STARD3NL: variants seen among roughly 807,000 people sequenced by gnomAD.
STARD3NL encodes STARD3 N-terminal like, also known as STARD3 N-terminal-like protein.
Under a neutral mutation model 30.9 loss-of-function variants are expected in STARD3NL, and 17 were observed. The ratio of observed to expected loss-of-function variants is 0.55; its 90% CI spans 0.38 to 0.82. The LOEUF is 0.82. STARD3NL is among the 40% of genes least tolerant of loss of function. The pLI is 0.00. For missense variants in STARD3NL, 234 were observed against 277.6 expected, an observed-to-expected ratio of 0.84 and a Z score of 1.12; for synonymous variants, 112 against 100.5, an observed-to-expected ratio of 1.11 and a Z score of -0.69.
chr7:38,219,558 C>T lies in STARD3NL; in HGVS notation c.554-7C>T. On this transcript the variant is annotated splice_region_variant and splice_polypyrimidine_tract_variant and intron_variant, in intron 6 of 8. Coordinates refer to ENST00000009041, the MANE Select transcript of STARD3NL (RefSeq NM_032016.4). Reference sequence around the variant, plus strand: ...CATTCCCAACATCTGAATTTCTTCTCTTCCAGGACTCCTGATAGTTCAGGA... The same window carrying T: ...CATTCCCAACATCTGAATTTCTTCTTTTCCAGGACTCCTGATAGTTCAGGA... 6.3e-7 allele frequency: 1 copy of T among 1,589,940 alleles called. No homozygotes were observed. Among genetic ancestry groups the T allele is most frequent in the African/African-American group, 1.3e-5 (1 of 74,738 alleles).
intron 2 of STARD3NL, among the ~76,000 whole-genome samples, chr7:38,208,466 AT>A (rs1785615254): frequency 6.6e-6 from 1 of 152,266 alleles, no homozygotes; most frequent in Non-Finnish European, 1.5e-5. Context: ...TAGTTGCCAC[AT>A]TAATAAAAAT....
intron 1 of STARD3NL, among the ~76,000 whole-genome samples, chr7:38,189,013 A>G (rs998839173): frequency 6.6e-6 from 1 of 152,184 alleles, no homozygotes; most frequent in African/African-American, 2.4e-5. Flanking sequence ...TGAAAGGTTA[A>G]GTTCTGTTAT....
intron 1 of STARD3NL, among the ~76,000 whole-genome samples, chr7:38,188,240 C>G (rs926171507): frequency 6.6e-6 from 1 of 152,074 alleles, no homozygotes; most frequent in Non-Finnish European, 1.5e-5. Flanking sequence ...ATCTGAGGTG[C>G]TTCCCCTCTC....
rs977038199 is a variant in STARD3NL, at chr7:38,215,108, G to A, written c.381+3G>A. The A allele has an allele frequency of 6.2e-7, 1 of 1,613,780 alleles. No homozygotes were observed. Among genetic ancestry groups the A allele is most frequent in the Non-Finnish European group, 8.5e-7 (1 of 1,179,884 alleles). On this transcript the variant is annotated splice_donor_region_variant and intron_variant, in intron 4 of 8. Coordinates refer to ENST00000009041, the MANE Select transcript of STARD3NL (RefSeq NM_032016.4). ...TGCGCCATTGGTGGGCAATAGCGGT[G>A]AGTATGCCCTGCATGAGTGGGTCAT...
intron 2 of STARD3NL, among the ~76,000 whole-genome samples, chr7:38,212,458 G>A (rs1785863104): frequency 6.6e-6 from 1 of 152,092 alleles, no homozygotes; most frequent in Non-Finnish European, 1.5e-5. Context: ...TGCTTCTGTT[G>A]TCTGTGTAGC....
At chr7:38,195,126 C>G (rs542779227) in intron 1 of STARD3NL, among the ~76,000 whole-genome samples, 3 of 152,116 alleles carry the variant, frequency 2.0e-5, no homozygotes, top group Non-Finnish European at 4.4e-5. Flanking sequence ...GGCACAGTCT[C>G]GGCTCACTGC....
chr7:38,219,710 T>G, intron 7 of STARD3NL, 50 bp downstream of exon 7: 1 of 1,482,240 alleles, frequency 6.7e-7, no homozygotes. Context: ...TCAAAGGCTC[T>G]GCTCTTCCTT....
At chr7:38,185,031 T>C (rs1274313676) in intron 1 of STARD3NL, among the ~76,000 whole-genome samples, 1 of 151,978 alleles carries the variant, frequency 6.6e-6, no homozygotes, top group Non-Finnish European at 1.5e-5. Flanking sequence ...GTTCTTATTA[T>C]TAGACTGTAA....
At chr7:38,218,558 A>T (rs1012970035) in intron 6 of STARD3NL, among the ~76,000 whole-genome samples, 1 of 152,250 alleles carries the variant, frequency 6.6e-6, no homozygotes, top group Non-Finnish European at 1.5e-5. Context: ...GAATGGTTAT[A>T]GGATTAAACC....
intron 3 of STARD3NL, 38 bp downstream of exon 3, chr7:38,214,472 A>T: frequency 1.5e-6 from 2 of 1,377,340 alleles, no homozygotes; most frequent in Non-Finnish European, 2.0e-6. Flanking sequence ...ATGTGATAAA[A>T]CTGACCCAAA....
intron 1 of STARD3NL, among the ~76,000 whole-genome samples, chr7:38,188,699 A>G (rs1445867453): frequency 1.3e-5 from 2 of 152,216 alleles, no homozygotes; most frequent in Non-Finnish European, 2.9e-5. Context: ...TTCTCAATGT[A>G]TATTTTAGGT....
At chr7:38,196,556 C>T (rs967116320) in intron 1 of STARD3NL, among the ~76,000 whole-genome samples, 2 of 152,046 alleles carry the variant, frequency 1.3e-5, no homozygotes, top group Non-Finnish European at 1.5e-5. Context: ...TTCTTTTTCT[C>T]TGTTTCTTTT....
In STARD3NL at chr7:38,225,721, C is replaced by CT. The variant is rs542534286; in HGVS notation, c.650-3069dup. 5.0e-3 allele frequency among the ~76,000 whole-genome samples: 760 copies of CT among 151,372 alleles called. 8 individuals are homozygous for CT. Among genetic ancestry groups the CT allele is most frequent in the Non-Finnish European group, 4.8e-3 (322 of 67,780 alleles). Reference sequence around the variant, plus strand: ...GAATACTTATATGATTGATTTGATACTTTTTTTTTCTTTTCTTATATAGCC... The same window carrying CT: ...GAATACTTATATGATTGATTTGATACTTTTTTTTTTCTTTTCTTATATAGCC... On this transcript the variant is annotated intron_variant, in intron 7 of 8. Coordinates refer to ENST00000009041, the MANE Select transcript of STARD3NL (RefSeq NM_032016.4).
chr7:38,195,371 TA>T (rs1181987473), intron 1 of STARD3NL, among the ~76,000 whole-genome samples: 2 of 152,196 alleles, frequency 1.3e-5, no homozygotes, highest in African/African-American at 2.4e-5. Flanking sequence ...TATCAGTTTT[TA>T]AAAATCCCAG....
rs747988306 is a variant in STARD3NL at position 38,215,020 on chromosome 7, A to T, written c.304-8A>T. On this transcript the variant is annotated splice_polypyrimidine_tract_variant and splice_region_variant and intron_variant, in intron 3 of 8. Coordinates refer to ENST00000009041, the MANE Select transcript of STARD3NL (RefSeq NM_032016.4). Reference sequence around the variant, plus strand: ...TTTTAAAACATCCCTTTATTTTCTTACTTTCAGCTTCTGGCAGTTTTTCGA... The same window carrying T: ...TTTTAAAACATCCCTTTATTTTCTTTCTTTCAGCTTCTGGCAGTTTTTCGA... 2.5e-6 allele frequency: 4 copies of T among 1,612,842 alleles called. No homozygotes were observed. The highest frequency in any genetic ancestry group is 3.4e-6 in the Non-Finnish European group (4 of 1,179,196).
chr7:38,186,226 T>C (rs1440043740), intron 1 of STARD3NL, among the ~76,000 whole-genome samples: 1 of 152,124 alleles, frequency 6.6e-6, no homozygotes, highest in Non-Finnish European at 1.5e-5. Context: ...CTGCTGATGG[T>C]TGACAGAACT....
intron 1 of STARD3NL, among the ~76,000 whole-genome samples, chr7:38,181,665 T>A (rs1427775296): frequency 6.6e-6 from 1 of 152,206 alleles, no homozygotes; most frequent in African/African-American, 2.4e-5. Context: ...TGGAAGGTAC[T>A]TAAGTTTAAG....
At chr7:38,214,213 TA>T in intron 2 of STARD3NL, 143 bp from the exon 3 acceptor site, 1 of 549,810 alleles carries the variant, frequency 1.8e-6, no homozygotes, top group Non-Finnish European at 3.2e-6. Flanking sequence ...CCTTTTCTAT[TA>T]AAATTATGAG....
chr7:38,185,120 T>C (rs1784408817), intron 1 of STARD3NL, among the ~76,000 whole-genome samples: 1 of 152,130 alleles, frequency 6.6e-6, no homozygotes, highest in African/African-American at 2.4e-5. Flanking sequence ...TGATTCTATT[T>C]GCTAAAACAT....
Sources: gnomAD v4.1 joint callset for allele counts (sites outside exome capture counted in the v4.1 genomes callset) on GRCh38, gnomAD v4.1.1 for gene constraint, MANE v1.5 for transcripts, NCBI Gene and HGNC (gene_info 2026-07-23, HGNC 2026-07-21) for gene names.